The following IL16 variants were observed in gnomAD, a reference collection of about 807,000 sequenced individuals.
IL16 encodes the protein interleukin 16.
IL16 carries 67 observed loss-of-function variants against 110.1 expected under a neutral mutation model. The observed-to-expected ratio is 0.61, with a 90% CI of 0.50 to 0.75. IL16 has a LOEUF of 0.75. IL16 is among the 30% of genes least tolerant of loss of function. The pLI is 0.00. For synonymous variants in IL16, 689 were observed against 662.9 expected (o/e 1.04, Z -0.61); for missense variants, 1,545 against 1,655.0 (o/e 0.93, Z 1.15).
intron 2 of IL16, among the ~76,000 whole-genome samples, chr15:81,235,523 C>A (rs529203806): frequency 2.6e-5 from 4 of 152,118 alleles, no homozygotes; most frequent in Non-Finnish European, 4.4e-5. Context: ...CCCACTAGGC[C>A]CCCCCTCCAA....
chr15:81,230,461 T>G (rs973345640), intron 2 of IL16, among the ~76,000 whole-genome samples: 3 of 152,230 alleles, frequency 2.0e-5, no homozygotes, highest in African/African-American at 7.2e-5. Flanking sequence ...GGCAGGGACT[T>G]GTTATGAGCT....
chr15:81,272,963 G>A (rs1385985725), intron 5 of IL16, 127 bp from the exon 6 acceptor site: 16 of 620,968 alleles, frequency 2.6e-5, no homozygotes, highest in Non-Finnish European at 4.8e-5. Flanking sequence ...AGACCTCTGA[G>A]ACCAAAGGCA....
chr15:81,251,928 G>A (rs540413948), intron 2 of IL16, among the ~76,000 whole-genome samples: 4 of 152,186 alleles, frequency 2.6e-5, no homozygotes, highest in African/African-American at 9.6e-5. Context: ...ATGCTGTAAT[G>A]TGTTTGGAAA....
intron 2 of IL16, among the ~76,000 whole-genome samples, chr15:81,232,942 C>CT (rs1289204573): frequency 1.3e-5 from 2 of 152,058 alleles, no homozygotes; most frequent in African/African-American, 4.8e-5. Context: ...TGGTGCTATA[C>CT]TTTTTTAAAA....
chr15:81,225,210 G>A (rs757506259), intron 1 of IL16, 89 bp from the exon 2 acceptor site: 3 of 1,096,394 alleles, frequency 2.7e-6, no homozygotes, highest in Non-Finnish European at 3.8e-6. Context: ...CGGGCACCAA[G>A]AACCCGTGGC....
At chr15:81,272,916 T>G (rs1448176192) in intron 5 of IL16, among the ~76,000 whole-genome samples, 174 bp from the exon 6 acceptor site, 2 of 142,118 alleles carry the variant, frequency 1.4e-5, no homozygotes, top group Non-Finnish European at 3.1e-5. Context: ...TTTGTTGTTG[T>G]TGTTGGTGTT....
chr15:81,282,856 A>T, intron 9 of IL16, 100 bp downstream of exon 9: 1 of 987,128 alleles, frequency 1.0e-6, no homozygotes, highest in Non-Finnish European at 1.6e-6. Flanking sequence ...AGCTATAAAG[A>T]ATGATCTTGT....
intron 9 of IL16, among the ~76,000 whole-genome samples, 187 bp from the exon 10 acceptor site, chr15:81,285,511 G>A (rs1465744540): frequency 6.6e-6 from 1 of 152,180 alleles, no homozygotes; most frequent in Admixed American, 6.5e-5. Context: ...ACGGTAAGGG[G>A]GTATGGGATA....
At chr15:81,271,227 G>A (rs1250596921) in intron 5 of IL16, among the ~76,000 whole-genome samples, 1 of 148,526 alleles carries the variant, frequency 6.7e-6, no homozygotes, top group South Asian at 2.1e-4. Context: ...GACCAGCCTG[G>A]GTAACATAGT....
chr15:81,188,341 T>C, intron 1 of IL16: 1 of 456,368 alleles, frequency 2.2e-6, no homozygotes, highest in African/African-American at 2.0e-5. Context: ...TGTTCTTTTC[T>C]TCCCATTGCA....
chr15:81,290,224 C>T (rs1320608709), intron 10 of IL16, among the ~76,000 whole-genome samples: 1 of 152,132 alleles, frequency 6.6e-6, no homozygotes, highest in Non-Finnish European at 1.5e-5. Context: ...GTTGAGGGGG[C>T]CTCCTTGGGA....
chr15:81,205,111 A>T (rs1895967999), intron 1 of IL16, among the ~76,000 whole-genome samples: 1 of 152,084 alleles, frequency 6.6e-6, no homozygotes, highest in Admixed American at 6.5e-5. Context: ...GTTCAAGACC[A>T]GTTGGCCAAC....
chr15:81,205,254 C>T lies in IL16; in HGVS notation c.-102+8102C>T, dbSNP rs552950296. On this transcript the variant is annotated intron_variant, in intron 1 of 18. Transcript: ENST00000683961. ...CTGGGAGGCGGAGGTTGCAGTGAGC[C>T]GAGATCACACCATTGCACTCCAGCC... 3.0e-4 allele frequency among the ~76,000 whole-genome samples: 45 copies of T among 149,160 alleles called. 1 individual carries two copies. The South Asian group carries it at 8.5e-3, about 28-fold the overall frequency.
At position 81,197,018 on chromosome 15, in the gene IL16, C is replaced by A. The variant is rs888324723; in HGVS notation, c.-236C>A. On this transcript the variant is annotated 5_prime_UTR_variant, in exon 1 of 19. Transcript: ENST00000683961. ...TGAGCGTCCATTTCTCAATCCTTGC[C>A]GGCTCTGACCCAGGCCTGGGCCACA... 3.1e-6 allele frequency: 4 copies of A among 1,287,004 alleles called. No individual in the cohort carries two copies. The highest frequency in any genetic ancestry group is 4.0e-6 in the Non-Finnish European group (4 of 988,074). The allele number at this position is 1,287,004 out of a possible 1,614,324, so 79.7% of individuals were successfully genotyped here.
At chr15:81,274,220 G>A (rs1158734370) in intron 6 of IL16, among the ~76,000 whole-genome samples, 1 of 152,214 alleles carries the variant, frequency 6.6e-6, no homozygotes, top group Non-Finnish European at 1.5e-5. Flanking sequence ...CAGTCTGTGG[G>A]CCAAATCTGG....
chr15:81,247,045 AT>A (rs1484146029), intron 2 of IL16, among the ~76,000 whole-genome samples: 2 of 85,598 alleles, frequency 2.3e-5, no homozygotes, highest in Admixed American at 2.2e-4. Flanking sequence ...TTCAACCCTC[AT>A]TTTATTTGTG....
In IL16 at chr15:81,232,042, GTTTTTTTTTTTTTTT is replaced by G; in HGVS notation, c.312+6341_312+6355del. 3.5e-4 allele frequency among the ~76,000 whole-genome samples: 20 copies of G among 57,706 alleles called. No individual in the cohort carries two copies. The East Asian group carries it at 7.4e-3, about 21-fold the overall frequency. 37.9% of individuals were successfully genotyped at this position (57,706 alleles called of 152,430 possible). The stretch of plus-strand genomic sequence containing the variant: ...ATGTAAGTCCTCCACATTTGTTCTT[GTTTTTTTTTTTTTTT>G]TTTTTTTTTCTTTTTTTTTTCACAT... On this transcript the variant is annotated intron_variant, in intron 2 of 18. Transcript: ENST00000683961.
Position 81,299,392 on chromosome 15 carries a change from C to T in IL16, c.2066C>T (p.Ser689Phe), listed in dbSNP as rs759576026. ...WRRASPVTQTSPIKHPLLKRQ... is the reference protein window; with the variant it reads ...WRRASPVTQTFPIKHPLLKRQ... ...TTCTGCACTGTAGTGACCCAAACAT[C>T]CCCGATAAAACACCCACTGCTTAAG... is the stretch of plus-strand genomic sequence containing the variant. Residue 689 changes from serine to phenylalanine, a missense_variant, in exon 14 of 19, where the codon TCC becomes TTC. By Grantham distance (155) the Ser-to-Phe change is radical. Around this residue, in one of 3 missense-constraint regions of IL16, gnomAD observed 1,185 missense variants for 1,238.8 expected, o/e 0.96. Transcript: ENST00000683961. 8.1e-6 allele frequency: 13 copies of T among 1,613,102 alleles called. No individual in the cohort carries two copies. The highest frequency in any genetic ancestry group is 1.7e-5 in the Admixed American group (1 of 60,026).
chr15:81,203,585 T>TC (rs1211619213), intron 1 of IL16, among the ~76,000 whole-genome samples: 1 of 152,056 alleles, frequency 6.6e-6, no homozygotes, highest in Non-Finnish European at 1.5e-5. Context: ...GGGAATCCTT[T>TC]CCCCATTGCT....
Sources: allele counts gnomAD v4.1 joint callset (sites outside exome capture counted in the v4.1 genomes callset), GRCh38; gene constraint gnomAD v4.1.1; regional missense constraint gnomAD v4.1.1; transcripts MANE v1.5; gene names NCBI Gene and HGNC (gene_info 2026-07-23, HGNC 2026-07-21).